The following PUS10 variants were observed in gnomAD, a reference collection of about 807,000 sequenced individuals.
The protein encoded by PUS10 is tRNA pseudouridine synthase Pus10.
A neutral mutation model predicts 75.0 loss-of-function variants in PUS10; 59 were observed. The ratio of observed to expected loss-of-function variants is 0.79; its 90% confidence interval spans 0.64 to 0.98. The LOEUF (loss-of-function observed/expected upper bound fraction) is 0.98. Ranked by LOEUF, PUS10 falls within the 50% of genes least tolerant of loss-of-function variation. The pLI is 0.00. For synonymous variants in PUS10, 219 were observed against 211.6 expected (o/e 1.03, Z -0.30); for missense variants, 650 against 614.4 (o/e 1.06, Z -0.61).
chr2:60,997,900 T>C (rs1678586745), intron 4 of PUS10, among the ~76,000 whole-genome samples: 1 of 152,184 alleles, frequency 6.6e-6, no homozygotes, highest in African/African-American at 2.4e-5. Context: ...TGGTCTTACA[T>C]GGTGGGTGAG....
At chr2:60,959,276 A>G (rs1410689583) in intron 11 of PUS10, among the ~76,000 whole-genome samples, 2 of 152,212 alleles carry the variant, frequency 1.3e-5, no homozygotes, top group African/African-American at 2.4e-5. Context: ...TAATTTCCTC[A>G]TATTCCCCCA....
chr2:60,998,078 A>G (rs111295456), intron 4 of PUS10, among the ~76,000 whole-genome samples: 1,751 of 152,352 alleles, frequency 0.011, 35 homozygotes, highest in African/African-American at 0.039. Context: ...TATAGCTCCT[A>G]TACTTAAAGT....
At chr2:61,015,666 T>C (rs1679923377) in intron 1 of PUS10, among the ~76,000 whole-genome samples, 1 of 152,172 alleles carries the variant, frequency 6.6e-6, no homozygotes, top group African/African-American at 2.4e-5. Flanking sequence ...GCCACTGTAC[T>C]CCAGTCTGGG....
At chr2:60,957,699 T>A in intron 11 of PUS10, among the ~76,000 whole-genome samples, 1 of 152,252 alleles carries the variant, frequency 6.6e-6, no homozygotes, top group Non-Finnish European at 1.5e-5. Context: ...ATCCTAGTGG[T>A]GATCTGTTGC....
chr2:61,010,937 G>A (rs1679558587), intron 2 of PUS10: 2 of 1,534,378 alleles, frequency 1.3e-6, no homozygotes, highest in South Asian at 1.2e-5. Flanking sequence ...CAGTTATTAT[G>A]AGAATTATAT....
chr2:60,988,037 T>C (rs1445767845), intron 4 of PUS10, among the ~76,000 whole-genome samples: 3 of 151,610 alleles, frequency 2.0e-5, no homozygotes, highest in Non-Finnish European at 4.4e-5. Flanking sequence ...TGCAGTGAGC[T>C]GAGATCGTAC....
chr2:60,955,450 C>T (rs1675589668), intron 11 of PUS10, among the ~76,000 whole-genome samples: 1 of 152,116 alleles, frequency 6.6e-6, no homozygotes, highest in Non-Finnish European at 1.5e-5. Context: ...TTGTCTCAGC[C>T]TCCCAAGTAG....
intron 4 of PUS10, among the ~76,000 whole-genome samples, chr2:60,989,160 TTAAGCAGCACCAAGGAATTCTGGAAA>T (rs540107493): frequency 3.3e-5 from 5 of 151,668 alleles, no homozygotes; most frequent in Non-Finnish European, 7.4e-5. Flanking sequence ...AAAACAGGAG[TTAAGCAGCACCAAGGAATTCTGGAAA>T]TAAGCAGCAC....
intron 8 of PUS10, among the ~76,000 whole-genome samples, chr2:60,963,332 G>C (rs1276447020): frequency 6.6e-6 from 1 of 152,180 alleles, no homozygotes; most frequent in Non-Finnish European, 1.5e-5. Context: ...TAATTTAGGA[G>C]TTGGCTGCCA....
chr2:60,948,947 T>C (rs1191951938), intron 15 of PUS10, among the ~76,000 whole-genome samples: 1 of 152,188 alleles, frequency 6.6e-6, no homozygotes, highest in Non-Finnish European at 1.5e-5. Flanking sequence ...TTCATTTTCT[T>C]GTCGGAACAA....
intron 16 of PUS10, among the ~76,000 whole-genome samples, chr2:60,947,225 T>A (rs1675000065): frequency 1.3e-5 from 2 of 152,200 alleles, no homozygotes; most frequent in African/African-American, 2.4e-5. Flanking sequence ...TTTGTTTTTT[T>A]TTCACAAGGC....
At chr2:60,951,942 A>G (rs1462797547) in intron 15 of PUS10, among the ~76,000 whole-genome samples, 1 of 152,224 alleles carries the variant, frequency 6.6e-6, no homozygotes, top group Non-Finnish European at 1.5e-5. Context: ...AGTTCCTTCT[A>G]GTAGGTCATC....
At chr2:60,967,967 A>G (rs771613766) in intron 5 of PUS10, among the ~76,000 whole-genome samples, 4 of 152,178 alleles carry the variant, frequency 2.6e-5, no homozygotes, top group African/African-American at 4.8e-5. Flanking sequence ...TACTGCTCAC[A>G]AACTATAAAA....
Position 60,967,513 on chromosome 2 carries a change from T to G in PUS10, c.604A>C (p.Ile202Leu), listed in dbSNP as rs151289069. 2.5e-6 allele frequency: 4 copies of G among 1,591,580 alleles called. No homozygotes were observed. The East Asian group carries it at 9.0e-5, about 36-fold the overall frequency. The stretch of plus-strand genomic sequence containing the variant: ...TGTTGACCCAATACCTTTCCATCAA[T>G]GGGAACACCCAGTTCCTCTGAAAAC... ...PLFSEELGVPIDGKSLFEVSV... is the reference protein window; with the variant it reads ...PLFSEELGVPLDGKSLFEVSV... Residue 202 changes from isoleucine to leucine, a missense_variant, in exon 6 of 18, where the codon ATT becomes CTT. Transcript: ENST00000316752.
chr2:60,961,416 G>A, intron 10 of PUS10, 47 bp downstream of exon 10: 1 of 1,381,156 alleles, frequency 7.2e-7, no homozygotes, highest in African/African-American at 1.4e-5. Context: ...TTTTTAGAAA[G>A]GAGAGTACGT....
intron 7 of PUS10, 113 bp from the exon 8 acceptor site, chr2:60,965,216 C>T (rs899106572): frequency 3.3e-5 from 36 of 1,100,500 alleles, no homozygotes; most frequent in Non-Finnish European, 4.7e-5. Flanking sequence ...CAGGAGCAGA[C>T]AAAATGAGTC....
chr2:60,999,861 T>C (rs377414744), intron 4 of PUS10, among the ~76,000 whole-genome samples: 1 of 152,210 alleles, frequency 6.6e-6, no homozygotes, highest in East Asian at 1.9e-4. Flanking sequence ...CTTTTTCCTG[T>C]GATTATTCCC....
chr2:60,958,599 T>C (rs1295392875), intron 11 of PUS10, among the ~76,000 whole-genome samples: 1 of 152,170 alleles, frequency 6.6e-6, no homozygotes, highest in Non-Finnish European at 1.5e-5. Flanking sequence ...AAAAAGGTTT[T>C]CTGGCTGAGT....
intron 3 of PUS10, 110 bp from the exon 4 acceptor site, chr2:61,006,753 C>T: frequency 1.4e-6 from 1 of 739,786 alleles, no homozygotes; most frequent in Non-Finnish European, 2.2e-6. Context: ...GCAAAACTTC[C>T]AAACTTTCAC....
Sources: gnomAD v4.1 joint callset for allele counts (sites outside exome capture counted in the v4.1 genomes callset) on GRCh38, gnomAD v4.1.1 for gene constraint, MANE v1.5 for transcripts, NCBI Gene and HGNC (gene_info 2026-07-23, HGNC 2026-07-21) for gene names.